BLTP1: variants seen among roughly 807,000 people sequenced by gnomAD.
BLTP1 encodes the protein bridge-like lipid transfer protein family member 1.
chr4:122,158,891 T>C, the BLTP1 span, among the ~76,000 whole-genome samples: 1 of 152,232 alleles, frequency 6.6e-6, no homozygotes, highest in Non-Finnish European at 1.5e-5. Context: ...TGATATGACT[T>C]CTTAGATATT....
At chr4:122,199,496 A>G in the BLTP1 span, 25 of 1,458,386 alleles carry the variant, frequency 1.7e-5, no homozygotes, top group African/African-American at 2.4e-4. Flanking sequence ...ATGAAAAACA[A>G]TTGATTTTAA....
the BLTP1 span, chr4:122,325,586 T>C: frequency 5.2e-6 from 6 of 1,146,064 alleles, no homozygotes; most frequent in Admixed American, 1.3e-4. Flanking sequence ...AAGGTTTTTG[T>C]TGAATAATTT....
At chr4:122,279,565 C>G in the BLTP1 span, among the ~76,000 whole-genome samples, 2 of 152,128 alleles carry the variant, frequency 1.3e-5, no homozygotes, top group African/African-American at 4.8e-5. Flanking sequence ...TAAAGAAGAT[C>G]ATGTTCACAT....
At chr4:122,154,188 T>G in the BLTP1 span, 1 of 878,496 alleles carries the variant, frequency 1.1e-6, no homozygotes, top group East Asian at 1.3e-4. Context: ...TTTTTTTTTT[T>G]TTTTTGAGAC....
the BLTP1 span, chr4:122,306,785 G>A: frequency 1.8e-6 from 1 of 565,928 alleles, no homozygotes; most frequent in Non-Finnish European, 2.2e-6. Context: ...TCTAATTAAT[G>A]TGGATTGGGC....
the BLTP1 span, chr4:122,250,299 T>A: frequency 6.7e-7 from 1 of 1,481,532 alleles, no homozygotes; most frequent in Non-Finnish European, 9.3e-7. Flanking sequence ...ACAGATATTG[T>A]AGAGTACAGC....
At chr4:122,174,365 G>C in the BLTP1 span, 4 of 978,862 alleles carry the variant, frequency 4.1e-6, no homozygotes, top group Non-Finnish European at 4.9e-6. Context: ...TTATTTAGTA[G>C]CTTACTTCAT....
chr4:122,223,720 G>T, the BLTP1 span, among the ~76,000 whole-genome samples: 1 of 152,124 alleles, frequency 6.6e-6, no homozygotes, highest in Non-Finnish European at 1.5e-5. Flanking sequence ...TTAATGCCTT[G>T]AAAAGGTCCT....
At chr4:122,199,947 T>C in the BLTP1 span, 1 of 975,620 alleles carries the variant, frequency 1.0e-6, no homozygotes, top group South Asian at 4.7e-5. Context: ...TTAAAATTGC[T>C]GATTGGGGAC....
At chr4:122,261,476 T>TGGG in the BLTP1 span, 1 of 982,094 alleles carries the variant, frequency 1.0e-6, no homozygotes, top group Non-Finnish European at 1.2e-6. Context: ...GTATTTTAAA[T>TGGG]TGATCGGCCA....
chr4:122,219,420 A>C, the BLTP1 span: 8 of 1,614,060 alleles, frequency 5.0e-6, no homozygotes, highest in Non-Finnish European at 8.5e-7. Context: ...TGTCAACATC[A>C]TCCAGCTCTG....
At chr4:122,241,364 C>T in the BLTP1 span, among the ~76,000 whole-genome samples, 74 of 152,268 alleles carry the variant, frequency 4.9e-4, no homozygotes, top group Admixed American at 2.9e-3. Flanking sequence ...GCTTATAGAC[C>T]ATGGCATCAG....
the BLTP1 span, chr4:122,219,297 A>C: frequency 6.3e-7 from 1 of 1,596,048 alleles, no homozygotes; most frequent in Non-Finnish European, 8.5e-7. Flanking sequence ...ATATATTTAC[A>C]TACCTCTTTT....
At chr4:122,282,772 A>G in the BLTP1 span, among the ~76,000 whole-genome samples, 2 of 152,154 alleles carry the variant, frequency 1.3e-5, no homozygotes, top group Non-Finnish European at 2.9e-5. Context: ...GTTTGCTTTT[A>G]GCTGTTTTGA....
the BLTP1 span, chr4:122,230,257 A>G: frequency 6.7e-7 from 1 of 1,493,178 alleles, no homozygotes; most frequent in African/African-American, 1.4e-5. Context: ...GTTCAGATGA[A>G]AAAAACTAGA....
At chr4:122,313,236 A>T in the BLTP1 span, among the ~76,000 whole-genome samples, 1 of 152,162 alleles carries the variant, frequency 6.6e-6, no homozygotes, top group Non-Finnish European at 1.5e-5. Context: ...TTCTATTTTA[A>T]GTCATTTGCA....
At chr4:122,170,405 A>G in the BLTP1 span, 1 of 980,976 alleles carries the variant, frequency 1.0e-6, no homozygotes, top group Admixed American at 6.2e-5. Flanking sequence ...TAGAATGGTG[A>G]AATCAGGACA....
the BLTP1 span, chr4:122,220,383 A>G: frequency 6.2e-7 from 1 of 1,613,462 alleles, no homozygotes; most frequent in Non-Finnish European, 8.5e-7. Flanking sequence ...TGGAAAGACT[A>G]TGTTTTGAAA....
At chr4:122,213,545 GTCTTTT>G in the BLTP1 span, among the ~76,000 whole-genome samples, 1 of 151,774 alleles carries the variant, frequency 6.6e-6, no homozygotes, top group East Asian at 1.9e-4. Flanking sequence ...AACCGAGATT[GTCTTTT>G]TTTAGTTATC....
Sources: gnomAD v4.1 joint callset for allele counts (sites outside exome capture counted in the v4.1 genomes callset) on GRCh38, gnomAD v4.1.1 for gene constraint, MANE v1.5 for transcripts, NCBI Gene and HGNC (gene_info 2026-07-23, HGNC 2026-07-21) for gene names.